Variants in BCCIP observed in about 807,000 individuals in gnomAD.
BCCIP encodes BRCA2 and CDKN1A interacting protein, also known as BRCA2 and CDKN1A-interacting protein.
Under a neutral mutation model 32.8 loss-of-function variants are expected in BCCIP, and 23 were observed. That is an observed-to-expected ratio of 0.70 (90% CI 0.51 to 0.99). The LOEUF (loss-of-function observed/expected upper bound fraction) is 0.99, where lower values mean the gene tolerates loss of function less well. BCCIP is among the 50% of genes least tolerant of loss of function. The pLI, the probability that BCCIP is intolerant of heterozygous loss-of-function variation, is 0.00. For missense variants in BCCIP, 378 were observed against 379.8 expected (o/e 1.00, Z 0.04); for synonymous variants, 144 against 137.6 (o/e 1.05, Z -0.33).
chr10:125,835,603 A>C (rs563122335), intron 6 of BCCIP, among the ~76,000 whole-genome samples: 13 of 152,150 alleles, frequency 8.5e-5, no homozygotes, highest in East Asian at 1.9e-4. Flanking sequence ...AACAAACAAA[A>C]AAAACAAAAC....
chr10:125,852,000 T>TA (rs1045886764), intron 7 of BCCIP, among the ~76,000 whole-genome samples: 1 of 151,956 alleles, frequency 6.6e-6, no homozygotes, highest in African/African-American at 2.4e-5. Context: ...GATTCACCCT[T>TA]ACGCTTCCAT....
chr10:125,849,707 T>C (rs1224075945), intron 7 of BCCIP, among the ~76,000 whole-genome samples: 2 of 152,088 alleles, frequency 1.3e-5, no homozygotes, highest in Non-Finnish European at 2.9e-5. Context: ...GCCTGCTTCC[T>C]CCCATTCTCC....
chr10:125,836,426 AC>A lies in BCCIP; in HGVS notation c.*154del. 6.9e-7 allele frequency: 1 copy of A among 1,445,836 alleles called. No individual in the cohort carries two copies. The highest frequency in any genetic ancestry group is 2.5e-5 in the East Asian group (1 of 39,566). 89.6% of individuals were successfully genotyped at this position (1,445,836 alleles called of 1,614,324 possible). ...TGTGTCTCTGACACATTTACAAAAT[AC>A]CAGTTTTTTAAAATTTTGGTCAAAT... On this transcript the variant is annotated 3_prime_UTR_variant, in exon 7 of 7. Transcript: ENST00000278100.
chr10:125,846,928 C>T (rs535328002), downstream of BCCIP, among the ~76,000 whole-genome samples: 63 of 152,268 alleles, frequency 4.1e-4, no homozygotes, highest in Non-Finnish European at 6.5e-4. Context: ...TAGTACCCAT[C>T]GCGGCCTGGG....
At chr10:125,830,499 T>C in intron 3 of BCCIP, 63 bp from the exon 4 acceptor site, 1 of 1,114,886 alleles carries the variant, frequency 9.0e-7, no homozygotes, top group Non-Finnish European at 1.3e-6. Context: ...ATCCCAAGAC[T>C]TGGTTTTATA....
Position 125,831,561 on chromosome 10 carries a change from A to G in BCCIP, c.553A>G (p.Ile185Val), listed in dbSNP as rs1854522133. 2.5e-6 allele frequency: 4 copies of G among 1,614,222 alleles called. No individual in the cohort carries two copies. In the East Asian group the frequency reaches 6.7e-5, roughly 27 times the overall value. The change falls in exon 5 of 7, where the codon ATT becomes GTT. Residue 185 changes from isoleucine to valine, a missense_variant. Transcript: ENST00000278100. ...GGGCCTTCTCCTAAGTGAAAGATTC[A>G]TTAATGTCCCTCCACAGATCGCTCT... ...PVGLLLSERFINVPPQIALPM... is the reference protein window; with the variant it reads ...PVGLLLSERFVNVPPQIALPM...
At chr10:125,852,243 G>A (rs1944100246) in intron 7 of BCCIP, 4 of 1,597,956 alleles carry the variant, frequency 2.5e-6, no homozygotes, top group African/African-American at 1.3e-5. Context: ...ATGGGCAGGA[G>A]AAGGTGAATC....
chr10:125,829,591 A>ACAG (rs1854477738), intron 3 of BCCIP, among the ~76,000 whole-genome samples: 1 of 152,204 alleles, frequency 6.6e-6, no homozygotes, highest in Admixed American at 6.5e-5. Flanking sequence ...GTTACTAAAT[A>ACAG]CAGTGTACAC....
intron 3 of BCCIP, among the ~76,000 whole-genome samples, chr10:125,830,116 A>G (rs1394078622): frequency 6.6e-6 from 1 of 152,240 alleles, no homozygotes; most frequent in Non-Finnish European, 1.5e-5. Context: ...CTGGAAACTC[A>G]TGAGTTTTAG....
At chr10:125,842,033 G>A (rs1854896275) in exon 7 of BCCIP, 4 of 1,367,628 alleles carry the variant, frequency 2.9e-6, no homozygotes, top group Admixed American at 3.3e-5. Flanking sequence ...AGCAAACAAT[G>A]GACAAAATAT....
chr10:125,842,267 G>A (rs1374855094), exon 7 of BCCIP: 6 of 275,980 alleles, frequency 2.2e-5, no homozygotes, highest in South Asian at 4.7e-5. Flanking sequence ...CGGAACTCGC[G>A]GTCACAGTAC....
intron 1 of BCCIP, chr10:125,825,639 T>G (rs1324156475): frequency 6.6e-6 from 1 of 152,106 alleles, no homozygotes; most frequent in Non-Finnish European, 1.5e-5. Context: ...GGTGGCAAGG[T>G]AAAAGGAGGT....
At chr10:125,827,226 A>C (rs1397794242) in intron 2 of BCCIP, among the ~76,000 whole-genome samples, 2 of 150,448 alleles carry the variant, frequency 1.3e-5, no homozygotes, top group Non-Finnish European at 3.0e-5. Flanking sequence ...TTATTCTTTT[A>C]CTCATATAAT....
chr10:125,824,553 C>T (rs979941800), intron 1 of BCCIP, among the ~76,000 whole-genome samples: 6 of 152,240 alleles, frequency 3.9e-5, no homozygotes, highest in Admixed American at 1.3e-4. Flanking sequence ...TCCCTTTCCT[C>T]ATCCTATATC....
In BCCIP at chr10:125,831,560, C is replaced by A. The variant is rs1476350831; in HGVS notation, c.552C>A (p.Phe184Leu). The A allele has an allele frequency of 6.2e-7, 1 of 1,614,080 alleles. No individual in the cohort carries two copies. The highest frequency in any genetic ancestry group is 2.2e-5 in the East Asian group (1 of 44,894). The change falls in exon 5 of 7, where the codon TTC (phenylalanine) becomes TTA (leucine). Residue 184 changes from phenylalanine (F) to leucine (L), a missense_variant. Phe to Leu is a conservative substitution (Grantham distance 22). Transcript: ENST00000278100. Reference protein sequence around the residue: ...KPVGLLLSERFINVPPQIALP... With the variant: ...KPVGLLLSERLINVPPQIALP... ...TGGGCCTTCTCCTAAGTGAAAGATT[C>A]ATTAATGTCCCTCCACAGATCGCTC... is the stretch of plus-strand genomic sequence containing the variant.
downstream of BCCIP, chr10:125,836,916 CATT>C: frequency 6.8e-7 from 1 of 1,481,266 alleles, no homozygotes; most frequent in Non-Finnish European, 9.3e-7. Context: ...AGACACCAAA[CATT>C]ATGTCTGGGC....
chr10:125,839,891 C>T (rs529024842), downstream of BCCIP, among the ~76,000 whole-genome samples: 32 of 152,334 alleles, frequency 2.1e-4, no homozygotes, highest in African/African-American at 6.5e-4. Context: ...GGAGCAACCA[C>T]AGCATGTACT....
At chr10:125,827,510 G>C in intron 2 of BCCIP, 48 bp from the exon 3 acceptor site, 1 of 1,265,106 alleles carries the variant, frequency 7.9e-7, no homozygotes, top group Non-Finnish European at 1.1e-6. Context: ...GAAGTTATTA[G>C]AAATCATGCT....
Position 125,842,010 on chromosome 10 carries a change from C to T in BCCIP, c.*651C>T, listed in dbSNP as rs80006540. 2.8e-4 allele frequency: 395 copies of T among 1,430,208 alleles called. 2 individuals carry two copies. In the African/African-American group the frequency reaches 5.4e-3, roughly 20 times the overall value. The allele number at this position is 1,430,208 out of a possible 1,614,324, so 88.6% of individuals were successfully genotyped here. On this transcript the variant is annotated 3_prime_UTR_variant, in exon 7 of 7. Transcript: ENST00000299130. ...AGAAACAGGTACTGGACTTTTCCCTCCTGCATGAAACAAGCAAACAATGGA... is the reference window on the plus strand; with the variant it reads ...AGAAACAGGTACTGGACTTTTCCCTTCTGCATGAAACAAGCAAACAATGGA...
Sources: gnomAD v4.1 joint callset for allele counts (sites outside exome capture counted in the v4.1 genomes callset) on GRCh38, gnomAD v4.1.1 for gene constraint, MANE v1.5 for transcripts, NCBI Gene and HGNC (gene_info 2026-07-23, HGNC 2026-07-21) for gene names.